Variants in GPHN observed in about 807,000 individuals in gnomAD.
The protein encoded by GPHN is gephyrin.
Under a neutral mutation model 95.5 loss-of-function variants are expected in GPHN, and 17 were observed. The observed-to-expected ratio is 0.18, with a 90% CI of 0.12 to 0.27. The LOEUF is 0.27. Ranked by LOEUF, GPHN falls within the 10% of genes least tolerant of loss-of-function variation. The pLI is 1.00. For synonymous variants in GPHN, 320 were observed against 322.5 expected, an observed-to-expected ratio of 0.99 and a Z score of 0.08; for missense variants, 660 against 978.1, an observed-to-expected ratio of 0.67 and a Z score of 4.34.
the GPHN span, among the ~76,000 whole-genome samples, chr14:67,355,216 A>G: frequency 6.6e-6 from 1 of 152,066 alleles, no homozygotes. Context: ...CATTTTATTA[A>G]TTTGTAAAAG....
At chr14:66,551,476 C>G (rs530300286) in intron 1 of GPHN, among the ~76,000 whole-genome samples, 1 of 152,318 alleles carries the variant, frequency 6.6e-6, no homozygotes, top group East Asian at 1.9e-4. Flanking sequence ...CTTTCCTATA[C>G]TTGATACTGC....
chr14:66,917,188 G>A (rs911387673), intron 6 of GPHN, among the ~76,000 whole-genome samples: 1 of 152,086 alleles, frequency 6.6e-6, no homozygotes, highest in Non-Finnish European at 1.5e-5. Flanking sequence ...TCCTGAGGAG[G>A]CTTTAACTGA....
chr14:66,516,711 A>T (rs1007228168), intron 1 of GPHN, among the ~76,000 whole-genome samples: 1 of 152,264 alleles, frequency 6.6e-6, no homozygotes, highest in Non-Finnish European at 1.5e-5. Context: ...TGCAATTTGA[A>T]TGCTAAGTAA....
intron 9 of GPHN, among the ~76,000 whole-genome samples, chr14:67,007,483 T>C (rs2072682080): frequency 6.6e-6 from 1 of 152,208 alleles, no homozygotes; most frequent in Admixed American, 6.5e-5. Context: ...AGTTTATCTA[T>C]AACTTCACCA....
the GPHN span, among the ~76,000 whole-genome samples, chr14:67,518,860 C>T: frequency 6.6e-6 from 1 of 152,080 alleles, no homozygotes; most frequent in African/African-American, 2.4e-5. Context: ...GCAGCCCGAT[C>T]AGAAAGGGTC....
At chr14:67,131,848 C>T (rs1481393530) in intron 17 of GPHN, among the ~76,000 whole-genome samples, 1 of 152,048 alleles carries the variant, frequency 6.6e-6, no homozygotes, top group African/African-American at 2.4e-5. Context: ...ATTCCTCAAA[C>T]TGATTTTAAG....
chr14:66,714,469 C>T (rs2069973026), intron 2 of GPHN, among the ~76,000 whole-genome samples: 1 of 152,154 alleles, frequency 6.6e-6, no homozygotes, highest in Non-Finnish European at 1.5e-5. Context: ...TCCTCTTCAA[C>T]TATTTGGATT....
At chr14:66,862,151 G>A (rs1011318364) in intron 4 of GPHN, among the ~76,000 whole-genome samples, 1 of 151,968 alleles carries the variant, frequency 6.6e-6, no homozygotes, top group African/African-American at 2.4e-5. Flanking sequence ...AAATGGAAAA[G>A]GAGTCATTAC....
chr14:66,831,767 CAAT>C (rs1375585247), intron 4 of GPHN, among the ~76,000 whole-genome samples: 38 of 152,246 alleles, frequency 2.5e-4, no homozygotes, highest in African/African-American at 9.1e-4. Flanking sequence ...TAAAAATAGT[CAAT>C]AATAACAACT....
the GPHN span, among the ~76,000 whole-genome samples, chr14:67,263,241 G>A: frequency 6.6e-6 from 1 of 152,140 alleles, no homozygotes; most frequent in Non-Finnish European, 1.5e-5. Context: ...TTGTCTAATT[G>A]AAAAGAATCA....
intron 10 of GPHN, among the ~76,000 whole-genome samples, chr14:67,051,856 A>G (rs777993488): frequency 6.6e-6 from 1 of 152,206 alleles, no homozygotes; most frequent in Non-Finnish European, 1.5e-5. Context: ...TAACCAGCCA[A>G]ACTAAACTTC....
chr14:67,197,625 A>C, the GPHN span, among the ~76,000 whole-genome samples: 1 of 152,168 alleles, frequency 6.6e-6, no homozygotes, highest in Non-Finnish European at 1.5e-5. Flanking sequence ...CCAAGAGCTA[A>C]GCCTCAGTTA....
chr14:67,025,591 GT>G (rs2153627781), intron 10 of GPHN, among the ~76,000 whole-genome samples: 1 of 152,264 alleles, frequency 6.6e-6, no homozygotes, highest in South Asian at 2.1e-4. Flanking sequence ...TAATGAGCTA[GT>G]TTTTTATTGG....
chr14:67,082,371 A>G (rs1412854466), intron 11 of GPHN, among the ~76,000 whole-genome samples: 1 of 152,114 alleles, frequency 6.6e-6, no homozygotes, highest in African/African-American at 2.4e-5. Context: ...TTTTACTAGC[A>G]CCATTTGTTG....
chr14:67,459,893 G>A, the GPHN span, among the ~76,000 whole-genome samples: 4 of 152,230 alleles, frequency 2.6e-5, no homozygotes, highest in Non-Finnish European at 5.9e-5. Flanking sequence ...TAAAACGGAT[G>A]ACTGAAGCAT....
chr14:67,534,243 A>C, the GPHN span, among the ~76,000 whole-genome samples: 1 of 152,024 alleles, frequency 6.6e-6, no homozygotes. Context: ...TCTGCATATT[A>C]TTGGCCCCAT....
At chr14:66,934,403 C>T (rs944650456) in intron 8 of GPHN, among the ~76,000 whole-genome samples, 3 of 152,170 alleles carry the variant, frequency 2.0e-5, no homozygotes, top group Non-Finnish European at 4.4e-5. Flanking sequence ...ATTTTCCATT[C>T]CCTCTTCCTA....
rs764193823 is a variant in GPHN at position 67,159,451 on chromosome 14, G to A, written c.1873G>A (p.Ala625Thr). The A allele has an allele frequency of 6.2e-7, 1 of 1,607,486 alleles. No homozygotes were observed. The highest frequency in any genetic ancestry group is 8.5e-7 in the Non-Finnish European group (1 of 1,174,090). ...LKQVLDIDLHAQIHFGRVFMK... is the reference protein window; with the variant it reads ...LKQVLDIDLHTQIHFGRVFMK... ...GCAGGTGCTGGACATTGATCTTCAT[G>A]CTCAGATCCATTTTGGCAGGGTTTT... is the stretch of plus-strand genomic sequence containing the variant. Residue 625 changes from alanine (A) to threonine (T), a missense_variant, in exon 19 of 23, where the codon GCT becomes ACT. Physicochemically the swap from Ala to Thr is moderately conservative, Grantham distance 58 (BLOSUM62 0). This residue lies in a region of GPHN where 257 missense variants were observed against 376.2 expected (regional missense o/e 0.68). Coordinates refer to ENST00000478722, the MANE Select transcript of GPHN (RefSeq NM_020806.5).
chr14:67,682,575 G>T, the GPHN span, among the ~76,000 whole-genome samples: 1 of 152,154 alleles, frequency 6.6e-6, no homozygotes, highest in Non-Finnish European at 1.5e-5. Flanking sequence ...CACTAGGATG[G>T]CTAAACTCAA....
Sources: allele counts gnomAD v4.1 joint callset (sites outside exome capture counted in the v4.1 genomes callset), GRCh38; gene constraint gnomAD v4.1.1; regional missense constraint gnomAD v4.1.1; transcripts MANE v1.5; gene names NCBI Gene and HGNC (gene_info 2026-07-23, HGNC 2026-07-21).